The following CFAP96 variants were observed in gnomAD, a reference collection of about 807,000 sequenced individuals.
CFAP96 encodes cilia and flagella associated protein 96.
At chr4:185,427,728 C>A in the CFAP96 span, among the ~76,000 whole-genome samples, 1 of 149,940 alleles carries the variant, frequency 6.7e-6, no homozygotes, top group African/African-American at 2.4e-5. Flanking sequence ...CCTCTGCATT[C>A]CAGCCTGGGC....
At chr4:185,437,907 C>T in the CFAP96 span, among the ~76,000 whole-genome samples, 1 of 152,120 alleles carries the variant, frequency 6.6e-6, no homozygotes, top group South Asian at 2.1e-4. Context: ...AAAAAGGTTA[C>T]TCCACTGTCT....
chr4:185,418,095 G>A, the CFAP96 span, among the ~76,000 whole-genome samples: 1 of 89,444 alleles, frequency 1.1e-5, no homozygotes, highest in African/African-American at 4.6e-5. Context: ...GTAGTGTGAA[G>A]AAAAATAAAT....
the CFAP96 span, among the ~76,000 whole-genome samples, chr4:185,419,224 C>T: frequency 2.6e-5 from 4 of 152,048 alleles, no homozygotes; most frequent in East Asian, 1.9e-4. Context: ...CTCCGCCTCC[C>T]GGGTTCACGC....
At chr4:185,410,274 CA>C in the CFAP96 span, among the ~76,000 whole-genome samples, 1 of 152,062 alleles carries the variant, frequency 6.6e-6, no homozygotes, top group African/African-American at 2.4e-5. Context: ...TAGAAGTGAA[CA>C]AAACTAAAAT....
the CFAP96 span, chr4:185,431,847 A>AG: frequency 1.4e-6 from 1 of 690,704 alleles, no homozygotes. Flanking sequence ...CTTTCAGGGA[A>AG]TGTTTTGAAA....
At chr4:185,409,959 A>G in the CFAP96 span, among the ~76,000 whole-genome samples, 1 of 152,196 alleles carries the variant, frequency 6.6e-6, no homozygotes, top group African/African-American at 2.4e-5. Context: ...TCCTGCTGAC[A>G]TTGTGATGTC....
At chr4:185,436,047 T>A in the CFAP96 span, 3 of 1,521,314 alleles carry the variant, frequency 2.0e-6, no homozygotes, top group Non-Finnish European at 2.6e-6. Context: ...GTATTTAAGA[T>A]GTGGCTTAGG....
At chr4:185,424,040 C>T in the CFAP96 span, among the ~76,000 whole-genome samples, 1 of 152,018 alleles carries the variant, frequency 6.6e-6, no homozygotes, top group African/African-American at 2.4e-5. Context: ...GTGGCTCACG[C>T]CTGTAATCCC....
the CFAP96 span, chr4:185,413,994 T>G: frequency 1.2e-6 from 1 of 851,368 alleles, no homozygotes; most frequent in Non-Finnish European, 1.7e-6. Context: ...TTCCAAACAC[T>G]TATGGTTTAA....
chr4:185,437,254 TACAC>T, the CFAP96 span, among the ~76,000 whole-genome samples: 1 of 152,244 alleles, frequency 6.6e-6, no homozygotes, highest in Non-Finnish European at 1.5e-5. Flanking sequence ...ATATGCCTCT[TACAC>T]TCACTGTGTA....
chr4:185,415,903 C>A, the CFAP96 span: 1 of 1,498,684 alleles, frequency 6.7e-7, no homozygotes, highest in Non-Finnish European at 9.1e-7. Context: ...ACTTGTAGTG[C>A]ATTAAACACT....
chr4:185,449,419 G>A, the CFAP96 span, among the ~76,000 whole-genome samples: 1 of 151,992 alleles, frequency 6.6e-6, no homozygotes. Flanking sequence ...TACTTGGGCG[G>A]CCGAGGCAGG....
chr4:185,422,583 A>T, the CFAP96 span: 2 of 1,532,504 alleles, frequency 1.3e-6, no homozygotes, highest in Non-Finnish European at 1.8e-6. Context: ...ATAAAGATAA[A>T]GACAAACTCC....
the CFAP96 span, among the ~76,000 whole-genome samples, chr4:185,420,244 C>G: frequency 6.6e-6 from 1 of 151,862 alleles, no homozygotes; most frequent in African/African-American, 2.4e-5. Flanking sequence ...TTTTTGTTTT[C>G]AAGGATTTCC....
At chr4:185,442,582 A>G in the CFAP96 span, among the ~76,000 whole-genome samples, 1 of 152,086 alleles carries the variant, frequency 6.6e-6, no homozygotes, top group Non-Finnish European at 1.5e-5. Context: ...ATCTGCAAAT[A>G]ATTTTGCTCC....
the CFAP96 span, chr4:185,418,912 T>C: frequency 3.1e-6 from 2 of 645,652 alleles, no homozygotes; most frequent in Non-Finnish European, 4.8e-6. Flanking sequence ...ATTTTTTGCC[T>C]ATCTTTTTAA....
the CFAP96 span, among the ~76,000 whole-genome samples, chr4:185,427,344 T>C: frequency 3.4e-4 from 52 of 152,372 alleles, no homozygotes; most frequent in Non-Finnish European, 5.7e-4. Flanking sequence ...TATTTAGTTA[T>C]GTTTCAGTTT....
the CFAP96 span, among the ~76,000 whole-genome samples, chr4:185,430,568 T>C: frequency 3.4e-4 from 52 of 152,332 alleles, no homozygotes; most frequent in African/African-American, 1.2e-3. Flanking sequence ...AAAATGTTTA[T>C]ACTTTTGAAT....
chr4:185,415,893 A>G, the CFAP96 span: 1 of 1,567,164 alleles, frequency 6.4e-7, no homozygotes. Flanking sequence ...GTAATAGTCA[A>G]CTTGTAGTGC....
Sources: gnomAD v4.1 joint callset for allele counts (sites outside exome capture counted in the v4.1 genomes callset) on GRCh38, gnomAD v4.1.1 for gene constraint, MANE v1.5 for transcripts, NCBI Gene and HGNC (gene_info 2026-07-23, HGNC 2026-07-21) for gene names.